Variants in SMYD4 observed in about 807,000 individuals in gnomAD.
SMYD4 encodes protein-lysine N-methyltransferase SMYD4.
SMYD4 carries 68 observed loss-of-function variants against 72.8 expected under a neutral mutation model. The ratio of observed to expected loss-of-function variants is 0.93; its 90% CI spans 0.77 to 1.14. SMYD4 has a LOEUF of 1.14. Ranked by LOEUF, SMYD4 falls within the 50% of genes most tolerant of loss-of-function variation. The pLI, the probability that SMYD4 is intolerant of heterozygous loss-of-function variation, is 0.00. For synonymous variants in SMYD4, 407 were observed against 388.6 expected (o/e 1.05, Z -0.56); for missense variants, 984 against 1,003.7 (o/e 0.98, Z 0.27).
intron 2 of SMYD4, among the ~76,000 whole-genome samples, chr17:1,818,168 T>G (rs1219136408): frequency 6.6e-6 from 1 of 152,150 alleles, no homozygotes; most frequent in Non-Finnish European, 1.5e-5. Context: ...AGCTTGTCAT[T>G]AGGATACAGA....
At chr17:1,790,622 T>C (rs1027201125) in intron 5 of SMYD4, among the ~76,000 whole-genome samples, 1 of 152,044 alleles carries the variant, frequency 6.6e-6, no homozygotes, top group Non-Finnish European at 1.5e-5. Flanking sequence ...GTTCAAGCGA[T>C]TCTCCTGCCT....
chr17:1,789,633 C>T (rs561173675), intron 5 of SMYD4, among the ~76,000 whole-genome samples: 12 of 151,698 alleles, frequency 7.9e-5, no homozygotes, highest in Admixed American at 3.3e-4. Context: ...AGCGTGGTGG[C>T]GTGCACCAGT....
intron 3 of SMYD4, among the ~76,000 whole-genome samples, chr17:1,810,256 T>G (rs1325947585): frequency 1.3e-5 from 2 of 152,026 alleles, no homozygotes; most frequent in African/African-American, 2.4e-5. Flanking sequence ...AAATAGAAGT[T>G]TCTTGAAGAA....
intron 2 of SMYD4, among the ~76,000 whole-genome samples, chr17:1,824,434 T>C (rs963473255): frequency 3.3e-5 from 5 of 152,006 alleles, no homozygotes; most frequent in Non-Finnish European, 5.9e-5. Context: ...AGAAACAAAT[T>C]TGTGGATAAG....
In SMYD4 at chr17:1,783,051, G is replaced by T; in HGVS notation, c.2245C>A (p.Gln749Lys). ...EMGHELFKLA[Q>K]IFFNGFAVPE... ...GGGACTCACCCGTTGAAAAAGATCT[G>T]GGCCAATTTGAAGAGCTCATGGCCC... The change falls in exon 10 of 11, where the codon CAG becomes AAG. Residue 749 changes from glutamine (Q) to lysine (K), a missense_variant. Physicochemically the swap from Gln to Lys is moderately conservative, Grantham distance 53. Transcript: ENST00000305513. The T allele has an allele frequency of 6.2e-7, 1 of 1,614,076 alleles. No homozygotes were observed. The highest frequency in any genetic ancestry group is 1.7e-5 in the Admixed American group (1 of 59,948).
chr17:1,799,859 G>T lies in SMYD4; in HGVS notation c.1535C>A (p.Thr512Lys). 1 of 1,583,784 alleles carries T rather than the reference G, an allele frequency of 6.3e-7. No homozygotes were observed. The highest frequency in any genetic ancestry group is 8.6e-7 in the Non-Finnish European group (1 of 1,161,526). ...AGGAACATCAGGTTCCCTCTTACCT[G>T]TGTGTTGTATGGTGGTCATCGCCTG... is the stretch of plus-strand genomic sequence containing the variant. ...NAQAMTTIQH[T>K]GPKGSIVTDS... is the part of the protein sequence containing the mutation. The change falls in exon 5 of 11, where the codon ACA becomes AAA. Residue 512 changes from threonine (T) to lysine (K), a missense_variant and splice_region_variant. Thr to Lys is a moderately conservative substitution (Grantham distance 78, BLOSUM62 -1). Coordinates refer to ENST00000305513, the MANE Select transcript of SMYD4 (RefSeq NM_052928.3).
At chr17:1,793,190 T>G (rs542591685) in intron 5 of SMYD4, among the ~76,000 whole-genome samples, 4 of 152,246 alleles carry the variant, frequency 2.6e-5, no homozygotes, top group Admixed American at 1.3e-4. Flanking sequence ...GTGCTGGGAT[T>G]ATAGGTGTGA....
At chr17:1,792,715 T>C (rs1909123748) in intron 5 of SMYD4, among the ~76,000 whole-genome samples, 1 of 152,112 alleles carries the variant, frequency 6.6e-6, no homozygotes, top group African/African-American at 2.4e-5. Flanking sequence ...TTTTAATTAC[T>C]AGAGAGGTTA....
chr17:1,797,236 A>G (rs1909452196), intron 5 of SMYD4, among the ~76,000 whole-genome samples: 1 of 152,250 alleles, frequency 6.6e-6, no homozygotes, highest in Admixed American at 6.5e-5. Context: ...ATCTGTCTAT[A>G]AAAACTCGGT....
At chr17:1,788,613 T>C (rs1484450218) in intron 5 of SMYD4, among the ~76,000 whole-genome samples, 1 of 151,782 alleles carries the variant, frequency 6.6e-6, no homozygotes, top group Non-Finnish European at 1.5e-5. Context: ...GGTGTGGTGG[T>C]ACGTGCCTGT....
intron 3 of SMYD4, among the ~76,000 whole-genome samples, chr17:1,811,697 C>T (rs1478073581): frequency 6.6e-6 from 1 of 152,042 alleles, no homozygotes; most frequent in Non-Finnish European, 1.5e-5. Flanking sequence ...GAGGCTGAGG[C>T]GGGCGCAACA....
intron 5 of SMYD4, among the ~76,000 whole-genome samples, chr17:1,797,482 A>T (rs1258384440): frequency 1.3e-5 from 2 of 152,154 alleles, no homozygotes; most frequent in East Asian, 3.9e-4. Flanking sequence ...TATCTTAAGT[A>T]GTGTTATCTA....
In SMYD4 at chr17:1,804,675, A is replaced by C. The variant is rs1472455902; in HGVS notation, c.320T>G (p.Leu107Arg). The change falls in exon 4 of 11, where the codon CTG becomes CGG. Residue 107 changes from leucine to arginine, a missense_variant. Transcript: ENST00000305513. ...HSRPNTEDMS[L>R]CHANRSAALF... ...GGCTGCCGAGCGGTTAGCATGACACAGTGACATGTCCTCAGTGTTAGGCCT... is the reference window on the plus strand; with the variant it reads ...GGCTGCCGAGCGGTTAGCATGACACCGTGACATGTCCTCAGTGTTAGGCCT... 1.2e-6 allele frequency: 2 copies of C among 1,613,650 alleles called. No homozygotes were observed. Among genetic ancestry groups the C allele is most frequent in the African/African-American group, 2.7e-5 (2 of 74,926 alleles).
chr17:1,805,079 T>A (rs1272918194), intron 3 of SMYD4, among the ~76,000 whole-genome samples: 1 of 152,126 alleles, frequency 6.6e-6, no homozygotes, highest in Non-Finnish European at 1.5e-5. Context: ...AAACAAATGA[T>A]TAATTCACAT....
chr17:1,791,812 A>G (rs1290584308), intron 5 of SMYD4, among the ~76,000 whole-genome samples: 1 of 152,086 alleles, frequency 6.6e-6, no homozygotes, highest in African/African-American at 2.4e-5. Flanking sequence ...GCTTGAGCCC[A>G]GGAGTTTGAG....
chr17:1,824,692 G>A (rs994055920), intron 2 of SMYD4, among the ~76,000 whole-genome samples: 3 of 152,066 alleles, frequency 2.0e-5, no homozygotes, highest in South Asian at 2.1e-4. Flanking sequence ...CAATCTCAGC[G>A]CACTGCACCC....
intron 2 of SMYD4, among the ~76,000 whole-genome samples, chr17:1,826,700 T>C (rs1911197502): frequency 6.6e-6 from 1 of 152,170 alleles, no homozygotes; most frequent in Non-Finnish European, 1.5e-5. Context: ...TGTGTGTTTC[T>C]GGATCTGCAA....
At chr17:1,791,121 A>AAAAG (rs1909007171) in intron 5 of SMYD4, among the ~76,000 whole-genome samples, 1 of 123,368 alleles carries the variant, frequency 8.1e-6, no homozygotes, top group African/African-American at 3.7e-5. Flanking sequence ...CGTCTCAAAA[A>AAAAG]AAAAAAAAAA....
At chr17:1,826,424 G>A (rs774291327) in intron 2 of SMYD4, among the ~76,000 whole-genome samples, 3 of 150,494 alleles carry the variant, frequency 2.0e-5, no homozygotes, top group South Asian at 2.1e-4. Context: ...CTTGGGAGGC[G>A]GAGGTTGCAG....
Sources: gnomAD v4.1 joint callset for allele counts (sites outside exome capture counted in the v4.1 genomes callset) on GRCh38, gnomAD v4.1.1 for gene constraint, MANE v1.5 for transcripts, NCBI Gene and HGNC (gene_info 2026-07-23, HGNC 2026-07-21) for gene names.